NAV2: variants seen among roughly 807,000 people sequenced by gnomAD.
NAV2 encodes the protein helicase, APC down-regulated 1.
A neutral mutation model predicts 223.2 loss-of-function variants in NAV2; 54 were observed. That is an observed-to-expected ratio of 0.24 (90% CI 0.19 to 0.30). The LOEUF (loss-of-function observed/expected upper bound fraction) is 0.30, where lower values mean the gene tolerates loss of function less well. Ranked by LOEUF, NAV2 falls within the 10% of genes least tolerant of loss-of-function variation. NAV2 has a pLI of 1.00. For missense variants in NAV2, 2,806 were observed against 3,147.5 expected (o/e 0.89, Z 2.60); for synonymous variants, 1,279 against 1,239.3 (o/e 1.03, Z -0.67).
chr11:19,850,175 C>T (rs1018565685), intron 3 of NAV2, among the ~76,000 whole-genome samples: 8 of 152,158 alleles, frequency 5.3e-5, no homozygotes, highest in Non-Finnish European at 8.8e-5. Context: ...ACTGATCTCC[C>T]GCTTGCCCCT....
Position 19,902,804 on chromosome 11 carries a change from G to C in NAV2, c.931+10210G>C, listed in dbSNP as rs567077810. On this transcript the variant is annotated intron_variant, in intron 6 of 37. Transcript: ENST00000349880. ...CCTTAGTTTAAGGTCCGCTTTAAAA[G>C]TTTATGTCCTCCAAGTTTAGGTATT... Among the ~76,000 whole-genome samples, 4 of 152,314 alleles carry C rather than the reference G, an allele frequency of 2.6e-5. No individual in the cohort carries two copies. In the South Asian group the frequency reaches 8.3e-4, roughly 32 times the overall value.
intron 11 of NAV2, among the ~76,000 whole-genome samples, chr11:19,995,701 A>G (rs914915683): frequency 1.3e-5 from 2 of 152,314 alleles, no homozygotes; most frequent in Middle Eastern, 3.4e-3. Flanking sequence ...AAAATCTGCT[A>G]TTATACATTG....
intron 19 of NAV2, chr11:20,056,627 A>C: frequency 1.2e-6 from 2 of 1,606,544 alleles, no homozygotes; most frequent in Non-Finnish European, 1.7e-6. Flanking sequence ...GGTATGAGTT[A>C]GGTGAGTAAG....
intron 1 of NAV2, among the ~76,000 whole-genome samples, chr11:19,400,745 C>T (rs532052332): frequency 3.3e-5 from 5 of 152,308 alleles, no homozygotes; most frequent in African/African-American, 9.6e-5. Flanking sequence ...GTAGGATGCT[C>T]ATTATCTATT....
intron 1 of NAV2, among the ~76,000 whole-genome samples, chr11:19,486,385 T>C (rs919981171): frequency 4.6e-5 from 7 of 152,174 alleles, no homozygotes; most frequent in South Asian, 4.1e-4. Flanking sequence ...ATGGTTTGGC[T>C]ATGTCCCCAC....
chr11:19,616,182 T>C (rs1400173420), intron 1 of NAV2, among the ~76,000 whole-genome samples: 1 of 152,092 alleles, frequency 6.6e-6, no homozygotes, highest in Non-Finnish European at 1.5e-5. Flanking sequence ...CATTTAGGCC[T>C]ACATGTCCTT....
intron 4 of NAV2, among the ~76,000 whole-genome samples, chr11:19,871,574 T>G (rs2062500127): frequency 6.6e-6 from 1 of 152,128 alleles, no homozygotes; most frequent in African/African-American, 2.4e-5. Context: ...GGGGCACTAG[T>G]GGTCTTCTGT....
intron 1 of NAV2, among the ~76,000 whole-genome samples, chr11:19,704,190 G>A (rs1406262155): frequency 6.6e-6 from 1 of 152,094 alleles, no homozygotes; most frequent in Non-Finnish European, 1.5e-5. Flanking sequence ...CCCTGTAACT[G>A]GTGATCTTTC....
chr11:19,958,531 G>C (rs2048078930), intron 10 of NAV2, among the ~76,000 whole-genome samples: 1 of 152,190 alleles, frequency 6.6e-6, no homozygotes, highest in Admixed American at 6.5e-5. Context: ...CTGCAGTCCA[G>C]GCTGGTTCCA....
intron 1 of NAV2, among the ~76,000 whole-genome samples, chr11:19,478,580 C>A (rs1262659779): frequency 6.6e-6 from 1 of 152,222 alleles, no homozygotes; most frequent in Non-Finnish European, 1.5e-5. Context: ...TGTAGAGCAC[C>A]TACAATGTGT....
chr11:19,911,012 A>G (rs1400927200), intron 6 of NAV2, among the ~76,000 whole-genome samples: 3 of 150,448 alleles, frequency 2.0e-5, no homozygotes, highest in African/African-American at 7.4e-5. Flanking sequence ...CTTTTACAGT[A>G]TCATCATTTT....
intron 1 of NAV2, among the ~76,000 whole-genome samples, chr11:19,441,730 C>T (rs1026473557): frequency 2.0e-5 from 3 of 152,246 alleles, no homozygotes; most frequent in Middle Eastern, 3.4e-3. Context: ...ATGTTGGTTG[C>T]AGCAGACAAT....
intron 1 of NAV2, among the ~76,000 whole-genome samples, chr11:19,461,236 A>T (rs1381432824): frequency 6.6e-6 from 1 of 152,194 alleles, no homozygotes; most frequent in Non-Finnish European, 1.5e-5. Flanking sequence ...CAGCCTGCAC[A>T]GAATGATCAT....
chr11:19,777,044 CG>C (rs1244938185), intron 1 of NAV2, among the ~76,000 whole-genome samples: 1 of 151,424 alleles, frequency 6.6e-6, no homozygotes, highest in Non-Finnish European at 1.5e-5. Flanking sequence ...GGGTGCCACG[CG>C]GGGCGGCCCG....
At chr11:19,766,816 T>C (rs764555952) in intron 1 of NAV2, among the ~76,000 whole-genome samples, 1 of 152,152 alleles carries the variant, frequency 6.6e-6, no homozygotes, top group Non-Finnish European at 1.5e-5. Context: ...CCTGATTTGC[T>C]ATAGTCCAGA....
chr11:19,575,614 C>T (rs1283998925), intron 1 of NAV2, among the ~76,000 whole-genome samples: 5 of 152,252 alleles, frequency 3.3e-5, no homozygotes, highest in Admixed American at 3.3e-4. Flanking sequence ...CCTCCTCAGA[C>T]ACCCCTGGGG....
At chr11:19,904,882 T>C (rs934098791) in intron 6 of NAV2, among the ~76,000 whole-genome samples, 1 of 152,110 alleles carries the variant, frequency 6.6e-6, no homozygotes, top group Non-Finnish European at 1.5e-5. Flanking sequence ...GCCGGTAGGT[T>C]GGAATAGATT....
intron 10 of NAV2, among the ~76,000 whole-genome samples, chr11:19,968,310 T>C (rs1169646068): frequency 6.6e-6 from 1 of 152,150 alleles, no homozygotes; most frequent in African/African-American, 2.4e-5. Context: ...TCCTGGATTC[T>C]CCGCTTCCTG....
intron 1 of NAV2, among the ~76,000 whole-genome samples, chr11:19,628,622 T>C (rs2047246709): frequency 6.6e-6 from 1 of 152,192 alleles, no homozygotes; most frequent in Non-Finnish European, 1.5e-5. Context: ...TCCGGATTCC[T>C]ACACATACAC....
Sources: allele counts gnomAD v4.1 joint callset (sites outside exome capture counted in the v4.1 genomes callset), GRCh38; gene constraint gnomAD v4.1.1; transcripts MANE v1.5; gene names NCBI Gene and HGNC (gene_info 2026-07-23, HGNC 2026-07-21).